KCNC2: variants seen among roughly 807,000 people sequenced by gnomAD.
The protein encoded by KCNC2 is potassium voltage-gated channel subfamily C member 2, also known as voltage-gated potassium channel KCNC2.
In KCNC2, 21 loss-of-function variants were observed where a neutral mutation model predicts 44.5. The observed-to-expected ratio is 0.47, with a 90% CI of 0.33 to 0.68. The LOEUF is 0.68. Among genes scored for constraint, KCNC2 ranks in the 30% least tolerant of loss-of-function variants. KCNC2 has a pLI of 0.01. For missense variants in KCNC2, 589 were observed against 826.2 expected, an observed-to-expected ratio of 0.71 and a Z score of 3.52; for synonymous variants, 391 against 339.1, an observed-to-expected ratio of 1.15 and a Z score of -1.68.
At chr12:75,169,298 A>G (rs1274976565) in intron 2 of KCNC2, among the ~76,000 whole-genome samples, 1 of 151,590 alleles carries the variant, frequency 6.6e-6, no homozygotes, top group Non-Finnish European at 1.5e-5. Context: ...ATCATTGACT[A>G]TCACAAAATA....
At chr12:75,081,163 T>A (rs1379766845) in intron 2 of KCNC2, among the ~76,000 whole-genome samples, 1 of 152,146 alleles carries the variant, frequency 6.6e-6, no homozygotes, top group Admixed American at 6.6e-5. Context: ...AGCAATTTTT[T>A]TCCCAATAAC....
In KCNC2 at chr12:75,047,545, G is replaced by T. The variant is rs184901252; in HGVS notation, c.1780+608C>A. 1.6e-3 allele frequency among the ~76,000 whole-genome samples: 247 copies of T among 152,162 alleles called. 1 individual carries two copies. In the Middle Eastern group the frequency reaches 0.02, roughly 13 times the overall value. Reference sequence around the variant, plus strand: ...AGGATTTTTTATTATTGGTCCTGAAGAAAAATTCTGTAAGTGCATTTTGTG... The same window carrying T: ...AGGATTTTTTATTATTGGTCCTGAATAAAAATTCTGTAAGTGCATTTTGTG... On this transcript the variant is annotated intron_variant, in intron 4 of 4. Transcript: ENST00000549446.
intron 2 of KCNC2, among the ~76,000 whole-genome samples, chr12:75,142,307 C>T (rs1404139446): frequency 6.6e-6 from 1 of 152,098 alleles, no homozygotes; most frequent in Non-Finnish European, 1.5e-5. Context: ...CACAAATCTG[C>T]AAATGTGAAT....
chr12:75,074,156 C>A (rs558502368), intron 2 of KCNC2, among the ~76,000 whole-genome samples: 21 of 150,460 alleles, frequency 1.4e-4, no homozygotes, highest in African/African-American at 2.0e-4. Context: ...GGAAAATATT[C>A]TATTACAGTA....
chr12:75,067,806 A>G (rs1156571921), intron 2 of KCNC2, among the ~76,000 whole-genome samples: 1 of 151,964 alleles, frequency 6.6e-6, no homozygotes, highest in Non-Finnish European at 1.5e-5. Context: ...TTTTCATAAT[A>G]TATTATTAAT....
intron 2 of KCNC2, among the ~76,000 whole-genome samples, chr12:75,135,164 C>A (rs893604757): frequency 1.3e-5 from 2 of 151,458 alleles, no homozygotes; most frequent in Admixed American, 1.3e-4. Context: ...AGTTACATAG[C>A]AAATGTGAAT....
At chr12:75,116,331 A>G (rs1432665589) in intron 2 of KCNC2, among the ~76,000 whole-genome samples, 1 of 152,158 alleles carries the variant, frequency 6.6e-6, no homozygotes, top group Non-Finnish European at 1.5e-5. Flanking sequence ...TCAGAAGAAA[A>G]TGTACTCTTA....
intron 2 of KCNC2, among the ~76,000 whole-genome samples, chr12:75,108,622 G>A (rs1351649735): frequency 6.6e-6 from 1 of 152,176 alleles, no homozygotes; most frequent in Non-Finnish European, 1.5e-5. Flanking sequence ...CAAAACAGCT[G>A]TTGAATTTCA....
rs183264195 is a variant in KCNC2, at chr12:75,043,070, C to G, written c.*35G>C. The stretch of plus-strand genomic sequence containing the variant: ...GGGGTAAACAGCACTTGAATTAATA[C>G]AATTTAGCCGACTGATGCAGTTTGG... On this transcript the variant is annotated 3_prime_UTR_variant, in exon 5 of 5. Coordinates refer to ENST00000549446, the MANE Select transcript of KCNC2 (RefSeq NM_139137.4). 6.2e-7 allele frequency: 1 copy of G among 1,608,542 alleles called. No individual in the cohort carries two copies. The highest frequency in any genetic ancestry group is 2.2e-5 in the East Asian group (1 of 44,726).
rs544697054 is a variant in KCNC2, at chr12:75,125,465, CTG to C, written c.688-74150_688-74149del. 5.3e-5 allele frequency among the ~76,000 whole-genome samples: 8 copies of C among 152,246 alleles called. No homozygotes were observed. The South Asian group carries it at 1.7e-3, about 32-fold the overall frequency. ...TATACCCACAATTAAAATTAATCAA[CTG>C]TGTTTTTTCAGCAGAAGATCCAAAC... On this transcript the variant is annotated intron_variant, in intron 2 of 4. Coordinates refer to ENST00000549446, the MANE Select transcript of KCNC2 (RefSeq NM_139137.4).
At chr12:75,069,588 C>G (rs1186497325) in intron 2 of KCNC2, among the ~76,000 whole-genome samples, 1 of 152,044 alleles carries the variant, frequency 6.6e-6, no homozygotes, top group East Asian at 1.9e-4. Context: ...TTATAGAGAT[C>G]TTACTCCAGT....
chr12:75,068,275 G>C (rs1883035808), intron 2 of KCNC2, among the ~76,000 whole-genome samples: 1 of 152,178 alleles, frequency 6.6e-6, no homozygotes, highest in African/African-American at 2.4e-5. Context: ...ATTTTAAGTG[G>C]GGCAGTGACA....
intron 2 of KCNC2, among the ~76,000 whole-genome samples, chr12:75,125,540 C>CAT (rs1888355299): frequency 6.6e-6 from 1 of 152,168 alleles, no homozygotes; most frequent in South Asian, 2.1e-4. Context: ...GCTCTATTTG[C>CAT]ATATCCTTAT....
At chr12:75,058,205 A>T in intron 2 of KCNC2, among the ~76,000 whole-genome samples, 1 of 152,076 alleles carries the variant, frequency 6.6e-6, no homozygotes, top group East Asian at 1.9e-4. Flanking sequence ...GTTTCATTAC[A>T]CTGAAGAAAA....
rs560797843 is a variant in KCNC2, at chr12:75,171,866, T to C, written c.687+35431A>G. ...TTTGTGTGCAAGTATCAGTATCCCA[T>C]AAATGGTCACAGCTGCTATGTATCA... is the stretch of plus-strand genomic sequence containing the variant. On this transcript the variant is annotated intron_variant, in intron 2 of 4. Coordinates refer to ENST00000549446, the MANE Select transcript of KCNC2 (RefSeq NM_139137.4). Among the ~76,000 whole-genome samples, 147 of 151,970 alleles carry C rather than the reference T, an allele frequency of 9.7e-4. 1 individual carries two copies. The highest frequency in any genetic ancestry group is 1.7e-3 in the Admixed American group (26 of 15,228).
chr12:75,128,759 G>A lies in KCNC2; in HGVS notation c.688-77442C>T, dbSNP rs74427165. On this transcript the variant is annotated intron_variant, in intron 2 of 4. Transcript: ENST00000549446. ...CTCATTAATTTCATATAGGAGGGAT[G>A]GAGAAATGCATACAATCATATAATC... Among the ~76,000 whole-genome samples, 201 of 152,252 alleles carry A rather than the reference G, an allele frequency of 1.3e-3. 5 individuals are homozygous for A. The East Asian group carries it at 0.034, about 26-fold the overall frequency.
chr12:75,189,768 C>T (rs555161827), intron 2 of KCNC2, among the ~76,000 whole-genome samples: 2 of 152,180 alleles, frequency 1.3e-5, no homozygotes, highest in Non-Finnish European at 1.5e-5. Context: ...TCATTCTACA[C>T]AGGGTTCATA....
At chr12:75,163,627 C>T (rs958939769) in intron 2 of KCNC2, among the ~76,000 whole-genome samples, 1 of 151,696 alleles carries the variant, frequency 6.6e-6, no homozygotes, top group Non-Finnish European at 1.5e-5. Context: ...TCTATTGCTA[C>T]TTACGCACGC....
chr12:75,160,080 G>A (rs1248143850), intron 2 of KCNC2, among the ~76,000 whole-genome samples: 1 of 151,884 alleles, frequency 6.6e-6, no homozygotes, highest in East Asian at 1.9e-4. Context: ...CTAACCCCCA[G>A]TACCACAGAA....
Sources: allele counts gnomAD v4.1 joint callset (sites outside exome capture counted in the v4.1 genomes callset), GRCh38; gene constraint gnomAD v4.1.1; transcripts MANE v1.5; gene names NCBI Gene and HGNC (gene_info 2026-07-23, HGNC 2026-07-21).